The following NLGN1 variants were observed in gnomAD, a reference collection of about 807,000 sequenced individuals.
NLGN1 encodes neuroligin-1.
In NLGN1, 12 loss-of-function variants were observed where a neutral mutation model predicts 65.5. That is an observed-to-expected ratio of 0.18 (90% CI 0.12 to 0.30). The LOEUF (loss-of-function observed/expected upper bound fraction) is 0.30, where lower values mean the gene tolerates loss of function less well. Among genes scored for constraint, NLGN1 ranks in the 10% least tolerant of loss-of-function variants. NLGN1 has a pLI of 1.00. For missense variants in NLGN1, 750 were observed against 1,007.1 expected (o/e 0.74, Z 3.46); for synonymous variants, 350 against 359.5 (o/e 0.97, Z 0.30).
intron 4 of NLGN1, among the ~76,000 whole-genome samples, chr3:173,816,774 G>A (rs910783996): frequency 6.6e-6 from 1 of 152,124 alleles, no homozygotes; most frequent in African/African-American, 2.4e-5. Flanking sequence ...GGCATTATAT[G>A]CCTGGTGTTT....
intron 4 of NLGN1, among the ~76,000 whole-genome samples, chr3:173,849,849 T>G (rs960287607): frequency 6.6e-6 from 1 of 152,208 alleles, no homozygotes; most frequent in Non-Finnish European, 1.5e-5. Flanking sequence ...AACCATTTAA[T>G]AGATAAATGT....
intron 3 of NLGN1, among the ~76,000 whole-genome samples, chr3:173,731,181 T>G (rs142815759): frequency 0.016 from 2,459 of 152,208 alleles, 28 homozygotes; most frequent in Non-Finnish European, 0.027. Context: ...TATTACCAGA[T>G]TTTTAAAGGA....
chr3:174,226,941 C>G (rs923642743), intron 4 of NLGN1, among the ~76,000 whole-genome samples: 1 of 152,052 alleles, frequency 6.6e-6, no homozygotes, highest in African/African-American at 2.4e-5. Context: ...TATTTAAAGA[C>G]CTGGATATTT....
chr3:173,743,845 A>G (rs905161000), intron 3 of NLGN1, among the ~76,000 whole-genome samples: 1 of 152,138 alleles, frequency 6.6e-6, no homozygotes, highest in African/African-American at 2.4e-5. Flanking sequence ...TTCAATGTTC[A>G]GAGACAGACA....
At chr3:173,993,955 A>G (rs954645878) in intron 4 of NLGN1, among the ~76,000 whole-genome samples, 4 of 151,998 alleles carry the variant, frequency 2.6e-5, no homozygotes, top group African/African-American at 9.7e-5. Flanking sequence ...TATAGTAACT[A>G]GGAACCCAAT....
chr3:173,448,354 T>C (rs1444305121), intron 2 of NLGN1, among the ~76,000 whole-genome samples: 3 of 152,252 alleles, frequency 2.0e-5, no homozygotes, highest in Non-Finnish European at 2.9e-5. Flanking sequence ...GTTTATATGC[T>C]GGATTACGTT....
chr3:173,620,148 A>G (rs1447865042), intron 3 of NLGN1, among the ~76,000 whole-genome samples: 1 of 152,206 alleles, frequency 6.6e-6, no homozygotes, highest in Non-Finnish European at 1.5e-5. Flanking sequence ...AACAGTATAA[A>G]TGATGGAATC....
At chr3:174,036,037 G>A (rs1234026910) in intron 4 of NLGN1, among the ~76,000 whole-genome samples, 1 of 152,018 alleles carries the variant, frequency 6.6e-6, no homozygotes, top group Admixed American at 6.6e-5. Flanking sequence ...GAGATAGATG[G>A]TATCTTCATT....
chr3:173,934,315 T>C (rs1352860640), intron 4 of NLGN1, among the ~76,000 whole-genome samples: 1 of 149,496 alleles, frequency 6.7e-6, no homozygotes, highest in Non-Finnish European at 1.5e-5. Flanking sequence ...TATTTAATAA[T>C]AAACCATTAT....
chr3:174,261,571 TAAG>T (rs1474562659), intron 4 of NLGN1, among the ~76,000 whole-genome samples: 4 of 137,928 alleles, frequency 2.9e-5, no homozygotes, highest in African/African-American at 8.2e-5. Context: ...CTTATCAGCT[TAAG>T]GAGATTTTGG....
intron 4 of NLGN1, among the ~76,000 whole-genome samples, chr3:174,032,035 A>AAACAAATGAGACAAATG (rs1186027897): frequency 1.2e-4 from 18 of 152,138 alleles, no homozygotes; most frequent in Non-Finnish European, 2.1e-4. Flanking sequence ...AAATTCTAAG[A>AAACAAATGAGACAAATG]AACAAATGAT....
At chr3:173,648,459 A>T (rs138452787) in intron 3 of NLGN1, among the ~76,000 whole-genome samples, 1 of 152,350 alleles carries the variant, frequency 6.6e-6, no homozygotes, top group East Asian at 1.9e-4. Flanking sequence ...TAAAAAGATG[A>T]TCATACCAAG....
At chr3:173,995,924 T>C (rs952166655) in intron 4 of NLGN1, among the ~76,000 whole-genome samples, 2 of 152,158 alleles carry the variant, frequency 1.3e-5, no homozygotes, top group African/African-American at 4.8e-5. Flanking sequence ...GGCTTTAAGC[T>C]ATCCTTCTGC....
At chr3:173,701,880 T>C (rs1242813516) in intron 3 of NLGN1, among the ~76,000 whole-genome samples, 4 of 152,206 alleles carry the variant, frequency 2.6e-5, no homozygotes, top group African/African-American at 4.8e-5. Flanking sequence ...ACCACTGATA[T>C]TTAATTTCTA....
At chr3:173,547,637 C>A (rs1230552497) in intron 2 of NLGN1, among the ~76,000 whole-genome samples, 1 of 152,086 alleles carries the variant, frequency 6.6e-6, no homozygotes, top group Non-Finnish European at 1.5e-5. Flanking sequence ...AACATAAGTT[C>A]TTCTCTTCAT....
downstream of NLGN1, among the ~76,000 whole-genome samples, chr3:174,287,434 CAT>C (rs915904367): frequency 6.6e-6 from 1 of 151,462 alleles, no homozygotes; most frequent in African/African-American, 2.4e-5. Flanking sequence ...AGTTAAAAAA[CAT>C]ATTCTAACAA....
At chr3:173,539,799 T>TATATAACACATATATATGTACATATATAC (rs1553879654) in intron 2 of NLGN1, among the ~76,000 whole-genome samples, 3 of 43,908 alleles carry the variant, frequency 6.8e-5, no homozygotes, top group African/African-American at 2.7e-4. Context: ...CATATATACA[T>TATATAACACATATATATGTACATATATAC]ATATATACAT....
At chr3:173,470,132 A>G (rs1444321237) in intron 2 of NLGN1, among the ~76,000 whole-genome samples, 2 of 152,068 alleles carry the variant, frequency 1.3e-5, no homozygotes, top group Non-Finnish European at 2.9e-5. Context: ...AAACACAGAG[A>G]TGATTGTATC....
intron 4 of NLGN1, among the ~76,000 whole-genome samples, chr3:173,862,625 C>T (rs1729374099): frequency 6.6e-6 from 1 of 151,292 alleles, no homozygotes; most frequent in Non-Finnish European, 1.5e-5. Flanking sequence ...TAATCAATGC[C>T]TAAAAATATC....
Sources: allele counts gnomAD v4.1 joint callset (sites outside exome capture counted in the v4.1 genomes callset), GRCh38; gene constraint gnomAD v4.1.1; transcripts MANE v1.5; gene names NCBI Gene and HGNC (gene_info 2026-07-23, HGNC 2026-07-21).